Variants in PIR observed in about 807,000 individuals in gnomAD.
PIR encodes pirin.
A neutral mutation model predicts 24.2 loss-of-function variants in PIR; 22 were observed. The observed-to-expected ratio is 0.91, with a 90% CI of 0.65 to 1.30. The LOEUF is 1.30. Among genes scored for constraint, PIR ranks in the 50% most tolerant of loss-of-function variants. The pLI, the probability that PIR is intolerant of heterozygous loss-of-function variation, is 0.00. For synonymous variants in PIR, 80 were observed against 79.6 expected, an observed-to-expected ratio of 1.00 and a Z score of -0.03; for missense variants, 220 against 220.3, an observed-to-expected ratio of 1.00 and a Z score of 0.01.
At chrX:15,425,439 T>C (rs1602260687) in intron 6 of PIR, among the ~76,000 whole-genome samples, 1 of 95,653 alleles carries the variant, frequency 1.0e-5, no homozygotes, top group Admixed American at 1.2e-4. Context: ...TGAGATGGAG[T>C]CTCGCTGTGT....
intron 5 of PIR, among the ~76,000 whole-genome samples, chrX:15,434,175 AAGG>A (rs1303552397): frequency 1.1e-5 from 1 of 94,873 alleles, no homozygotes; most frequent in Non-Finnish European, 2.1e-5. Flanking sequence ...GAGAAAGAAG[AAGG>A]AGGAGAAGGA....
chrX:15,458,581 G>A lies in PIR; in HGVS notation c.273+1076C>T, dbSNP rs191715379. On this transcript the variant is annotated intron_variant, in intron 4 of 9. Transcript: ENST00000380420. ...TTGAGCTGGGGAGGTCGAGGCTGCA[G>A]TGAATAGTGAATGCACCATTGCACT... Among the ~76,000 whole-genome samples the A allele has an allele frequency of 1.2e-4, 14 of 112,186 alleles. 1 individual carries two copies. In the East Asian group the frequency reaches 3.9e-3, roughly 31 times the overall value.
intron 8 of PIR, among the ~76,000 whole-genome samples, chrX:15,393,020 G>T (rs1924008158): frequency 8.9e-6 from 1 of 112,092 alleles, no homozygotes; most frequent in Admixed American, 9.5e-5. Context: ...AAAGCCAAGA[G>T]AATTAAATAC....
chrX:15,395,190 T>C (rs1924088666), intron 8 of PIR, among the ~76,000 whole-genome samples: 1 of 111,844 alleles, frequency 8.9e-6, no homozygotes, highest in Non-Finnish European at 1.9e-5. Context: ...CTTGGAGCCT[T>C]CTTCTACCTG....
chrX:15,488,278 C>CAAAAAAAAAAAA (rs1184870069), intron 2 of PIR, among the ~76,000 whole-genome samples: 1 of 31,918 alleles, frequency 3.1e-5, no homozygotes, highest in African/African-American at 9.5e-5. Flanking sequence ...AACTCCGTCT[C>CAAAAAAAAAAAA]AAAAAAAAAA....
At chrX:15,401,484 T>C (rs1443686267) in intron 7 of PIR, among the ~76,000 whole-genome samples, 2 of 111,441 alleles carry the variant, frequency 1.8e-5, no homozygotes, top group South Asian at 3.7e-4. Context: ...AAAGCAAAGA[T>C]TGATTCTATC....
chrX:15,481,915 T>C (rs934917329), intron 2 of PIR, among the ~76,000 whole-genome samples: 1 of 111,621 alleles, frequency 9.0e-6, no homozygotes, highest in African/African-American at 3.3e-5. Context: ...GTCTTCTCAC[T>C]CTGGGATTCA....
chrX:15,484,016 G>A (rs1471700905), intron 2 of PIR, among the ~76,000 whole-genome samples: 2 of 112,277 alleles, frequency 1.8e-5, no homozygotes, highest in Non-Finnish European at 3.8e-5. Flanking sequence ...AATATGCCCT[G>A]CTGTCAAACT....
chrX:15,443,293 A>G (rs1925980750), intron 5 of PIR, among the ~76,000 whole-genome samples: 1 of 110,262 alleles, frequency 9.1e-6, no homozygotes, highest in African/African-American at 3.3e-5. Flanking sequence ...CCTACTATTC[A>G]GAAAAAAAAA....
chrX:15,432,977 G>A (rs1263148948), intron 5 of PIR, among the ~76,000 whole-genome samples: 2 of 112,626 alleles, frequency 1.8e-5, no homozygotes, highest in Non-Finnish European at 3.8e-5. Context: ...GAGAAGACTG[G>A]AAGAGAAACA....
intron 5 of PIR, among the ~76,000 whole-genome samples, chrX:15,427,130 C>T (rs781174125): frequency 7.2e-5 from 8 of 111,304 alleles, no homozygotes; most frequent in Non-Finnish European, 1.3e-4. Context: ...GATCATACAC[C>T]GTATGATTCC....
At chrX:15,476,672 T>A (rs5978728) in intron 3 of PIR, among the ~76,000 whole-genome samples, 2 of 108,617 alleles carry the variant, frequency 1.8e-5, no homozygotes, top group Admixed American at 2.0e-4. Context: ...AAAAAAAAAA[T>A]CCAAGAATAT....
chrX:15,484,912 A>G (rs188048825), intron 2 of PIR, among the ~76,000 whole-genome samples: 42 of 112,266 alleles, frequency 3.7e-4, no homozygotes, highest in Admixed American at 3.2e-3. Flanking sequence ...GAAGAGAGAA[A>G]TAATTTAAAG....
At chrX:15,454,190 C>T (rs1314010697) in intron 5 of PIR, among the ~76,000 whole-genome samples, 1 of 111,626 alleles carries the variant, frequency 9.0e-6, no homozygotes, top group Admixed American at 9.6e-5. Context: ...GAAGTCCTCA[C>T]AGGATCTTAA....
chrX:15,445,003 C>T (rs1455088709), intron 5 of PIR, among the ~76,000 whole-genome samples: 1 of 111,359 alleles, frequency 9.0e-6, no homozygotes, highest in Non-Finnish European at 1.9e-5. Context: ...GGTGCAGAAA[C>T]AGTGTCGGGT....
chrX:15,430,784 G>A (rs756881338), intron 5 of PIR, among the ~76,000 whole-genome samples: 4 of 111,813 alleles, frequency 3.6e-5, no homozygotes, highest in Non-Finnish European at 5.6e-5. Context: ...CCACATGGAA[G>A]CTATGTGGCT....
intron 5 of PIR, among the ~76,000 whole-genome samples, chrX:15,428,941 A>G (rs1458358833): frequency 8.9e-6 from 1 of 112,191 alleles, no homozygotes; most frequent in Non-Finnish European, 1.9e-5. Flanking sequence ...GATTCAGAAA[A>G]GTAATGTTTT....
chrX:15,469,079 A>G (rs1461376560), intron 3 of PIR, among the ~76,000 whole-genome samples: 3 of 111,637 alleles, frequency 2.7e-5, no homozygotes, highest in African/African-American at 9.8e-5. Flanking sequence ...CATGAGCTTG[A>G]TAATTTTGAA....
chrX:15,451,200 T>C (rs1337095774), intron 5 of PIR, among the ~76,000 whole-genome samples: 1 of 111,429 alleles, frequency 9.0e-6, no homozygotes, highest in Non-Finnish European at 1.9e-5. Context: ...CCTAGAAAGC[T>C]GATAAGTATA....
Sources: gnomAD v4.1 joint callset for allele counts (sites outside exome capture counted in the v4.1 genomes callset) on GRCh38, gnomAD v4.1.1 for gene constraint, MANE v1.5 for transcripts, NCBI Gene and HGNC (gene_info 2026-07-23, HGNC 2026-07-21) for gene names.